PHACTR1: variants seen among roughly 807,000 people sequenced by gnomAD.
PHACTR1 encodes phosphatase and actin regulator 1, also known as RPEL repeat containing 1.
A neutral mutation model predicts 69.2 loss-of-function variants in PHACTR1; 16 were observed. The observed-to-expected ratio is 0.23, with a 90% CI of 0.16 to 0.35. The LOEUF (loss-of-function observed/expected upper bound fraction) is 0.35, where lower values mean the gene tolerates loss of function less well. Ranked by LOEUF, PHACTR1 falls within the 10% of genes least tolerant of loss-of-function variation. The probability of loss-of-function intolerance (pLI) is 1.00; values close to 1 mark genes in which losing one functional copy is unlikely to be tolerated. For synonymous variants in PHACTR1, 312 were observed against 284.5 expected, an observed-to-expected ratio of 1.10 and a Z score of -0.97; for missense variants, 510 against 734.7, an observed-to-expected ratio of 0.69 and a Z score of 3.54.
At chr6:12,822,722 A>G (rs1390239566) in intron 4 of PHACTR1, among the ~76,000 whole-genome samples, 1 of 152,186 alleles carries the variant, frequency 6.6e-6, no homozygotes, top group Non-Finnish European at 1.5e-5. Flanking sequence ...TTTCTTTCCC[A>G]GAATAGACTT....
chr6:13,286,024 A>T, intron 13 of PHACTR1, 122 bp from the exon 14 acceptor site: 2 of 747,500 alleles, frequency 2.7e-6, no homozygotes, highest in Non-Finnish European at 4.2e-6. Context: ...CAATGAAAGA[A>T]TCCATCTTAA....
intron 4 of PHACTR1, among the ~76,000 whole-genome samples, chr6:12,967,310 C>T (rs1267560675): frequency 6.6e-6 from 1 of 152,214 alleles, no homozygotes; most frequent in Admixed American, 6.5e-5. Flanking sequence ...ATGGAAGGTG[C>T]TCTCTCCAGA....
At chr6:12,737,127 G>A (rs576389179) in intron 3 of PHACTR1, among the ~76,000 whole-genome samples, 2 of 152,174 alleles carry the variant, frequency 1.3e-5, no homozygotes, top group African/African-American at 4.8e-5. Context: ...ACATCACAGT[G>A]TACTTACACA....
At chr6:13,080,049 C>A (rs2127794695) in intron 5 of PHACTR1, among the ~76,000 whole-genome samples, 1 of 152,190 alleles carries the variant, frequency 6.6e-6, no homozygotes, top group Non-Finnish European at 1.5e-5. Context: ...TGTTGGAAGG[C>A]TCAAAAATTC....
At chr6:13,174,839 A>G (rs1013980971) in intron 6 of PHACTR1, among the ~76,000 whole-genome samples, 8 of 152,162 alleles carry the variant, frequency 5.3e-5, no homozygotes, top group African/African-American at 1.7e-4. Flanking sequence ...CTAAACAATG[A>G]GAGTGATTTT....
chr6:12,990,266 A>G (rs1796668854), intron 4 of PHACTR1, among the ~76,000 whole-genome samples: 1 of 152,110 alleles, frequency 6.6e-6, no homozygotes, highest in Admixed American at 6.6e-5. Flanking sequence ...ACCTTCCAAT[A>G]CCATTCCACC....
At chr6:12,749,527 CTTCCCTTCCTCT>C in intron 3 of PHACTR1, 105 bp from the exon 4 acceptor site, 1 of 478,934 alleles carries the variant, frequency 2.1e-6, no homozygotes, top group Non-Finnish European at 4.1e-6. Context: ...CTCCCCACCC[CTTCCCTTCCTCT>C]CCCCTCCCCC....
chr6:12,806,322 C>T lies in PHACTR1; in HGVS notation c.250+56532C>T, dbSNP rs577036029. 5.5e-4 allele frequency among the ~76,000 whole-genome samples: 83 copies of T among 152,272 alleles called. No homozygotes were observed. The South Asian group carries it at 0.012, about 22-fold the overall frequency. On this transcript the variant is annotated intron_variant, in intron 4 of 14. Transcript: ENST00000332995. ...CACGGACTTTCAATCTGGAAGAAAA[C>T]GTTCATTTCTCTTTTTCTCTCCTAC...
At chr6:13,173,055 G>A (rs1760826676) in intron 6 of PHACTR1, among the ~76,000 whole-genome samples, 1 of 152,162 alleles carries the variant, frequency 6.6e-6, no homozygotes, top group Admixed American at 6.5e-5. Context: ...TAGGTTCCCT[G>A]GTCCTACAGT....
At chr6:12,843,281 G>A (rs1376673515) in intron 4 of PHACTR1, among the ~76,000 whole-genome samples, 1 of 152,224 alleles carries the variant, frequency 6.6e-6, no homozygotes, top group Non-Finnish European at 1.5e-5. Flanking sequence ...TGCCTGAACT[G>A]TCTAGTCTTT....
chr6:12,947,698 C>T (rs530523014), intron 4 of PHACTR1, among the ~76,000 whole-genome samples: 95 of 152,248 alleles, frequency 6.2e-4, no homozygotes, highest in Middle Eastern at 3.4e-3. Context: ...CAGTAGACTT[C>T]CGTGAATTAT....
intron 5 of PHACTR1, among the ~76,000 whole-genome samples, chr6:13,062,383 G>A (rs775869081): frequency 2.1e-4 from 32 of 152,050 alleles, no homozygotes; most frequent in African/African-American, 6.0e-4. Flanking sequence ...CTAGTTTCCC[G>A]GCTTCCCCTT....
chr6:12,896,526 G>T (rs1173808637), intron 4 of PHACTR1, among the ~76,000 whole-genome samples: 1 of 152,120 alleles, frequency 6.6e-6, no homozygotes, highest in Non-Finnish European at 1.5e-5. Flanking sequence ...CAACCCTAAG[G>T]TACAATTAAG....
intron 4 of PHACTR1, among the ~76,000 whole-genome samples, chr6:12,764,084 G>A (rs6916418): frequency 0.45 from 67,991 of 151,618 alleles, 16,084 homozygotes; most frequent in African/African-American, 0.58. Flanking sequence ...ATCACATGTT[G>A]TAATGAAAAG....
intron 5 of PHACTR1, among the ~76,000 whole-genome samples, chr6:13,080,276 G>A (rs1811170272): frequency 6.6e-6 from 1 of 152,112 alleles, no homozygotes; most frequent in African/African-American, 2.4e-5. Context: ...TTCAAGTGCT[G>A]GAGTTTAGAA....
chr6:13,040,159 A>AT (rs1803923797), intron 4 of PHACTR1, among the ~76,000 whole-genome samples: 1 of 152,116 alleles, frequency 6.6e-6, no homozygotes, highest in Non-Finnish European at 1.5e-5. Flanking sequence ...ATGCTTAACT[A>AT]TTTTTTGCCA....
intron 3 of PHACTR1, among the ~76,000 whole-genome samples, chr6:12,720,297 C>T (rs1031879393): frequency 6.6e-6 from 1 of 152,168 alleles, no homozygotes; most frequent in African/African-American, 2.4e-5. Flanking sequence ...CCCGCTGAAC[C>T]GCATAGCTGT....
chr6:13,201,595 C>T (rs1031441673), intron 7 of PHACTR1, among the ~76,000 whole-genome samples: 2 of 152,112 alleles, frequency 1.3e-5, no homozygotes, highest in Non-Finnish European at 2.9e-5. Context: ...CCGCATTATC[C>T]ACACGATAAG....
chr6:13,099,252 G>A (rs114730684), intron 5 of PHACTR1, among the ~76,000 whole-genome samples: 2,018 of 152,242 alleles, frequency 0.013, 46 homozygotes, highest in African/African-American at 0.045. Context: ...AGTTTCCCTC[G>A]AACTTTTCTC....
Sources: gnomAD v4.1 joint callset for allele counts (sites outside exome capture counted in the v4.1 genomes callset) on GRCh38, gnomAD v4.1.1 for gene constraint, MANE v1.5 for transcripts, NCBI Gene and HGNC (gene_info 2026-07-23, HGNC 2026-07-21) for gene names.